Variants in CFAP251 observed in about 807,000 individuals in gnomAD.
CFAP251 encodes cilia- and flagella-associated protein 251.
CFAP251 carries 93 observed loss-of-function variants against 126.7 expected under a neutral mutation model. That is an observed-to-expected ratio of 0.73 (90% CI 0.62 to 0.87). CFAP251 has a LOEUF of 0.87. CFAP251 is among the 40% of genes least tolerant of loss of function. The pLI is 0.00. For synonymous variants in CFAP251, 503 were observed against 506.9 expected (o/e 0.99, Z 0.10); for missense variants, 1,287 against 1,389.2 (o/e 0.93, Z 1.17).
intron 6 of CFAP251, 72 bp from the exon 7 acceptor site, chr12:121,942,823 C>A: frequency 6.5e-7 from 1 of 1,548,626 alleles, no homozygotes; most frequent in Non-Finnish European, 8.9e-7. Flanking sequence ...TTGGGGTCAC[C>A]ACAAGAGGTG....
At chr12:121,925,022 TCTC>T (rs1187575796) in intron 3 of CFAP251, among the ~76,000 whole-genome samples, 1 of 151,124 alleles carries the variant, frequency 6.6e-6, no homozygotes, top group Non-Finnish European at 1.5e-5. Flanking sequence ...TCCTGTCTCC[TCTC>T]CTTTTTTCTC....
intron 9 of CFAP251, among the ~76,000 whole-genome samples, chr12:121,951,863 C>T (rs1217804498): frequency 6.6e-6 from 1 of 151,828 alleles, no homozygotes; most frequent in South Asian, 2.1e-4. Context: ...GGACTACAGG[C>T]GCCTGCCACC....
In CFAP251 at chr12:121,962,060, C is replaced by T. The variant is rs748560525; in HGVS notation, c.2390C>T (p.Thr797Ile). The T allele has an allele frequency of 2.5e-6, 4 of 1,614,058 alleles. No homozygotes were observed. The highest frequency in any genetic ancestry group is 3.4e-6 in the Non-Finnish European group (4 of 1,180,040). ...CACACCGACCAGGGCTGCTATCCCA[C>T]CTGCATGGTCTGGTACCCACCACTC... ...IHHTDQGCYP[T>I]CMVWYPPLTR... Residue 797 changes from threonine to isoleucine, a missense_variant, in exon 15 of 22, where the codon ACC (threonine) becomes ATC (isoleucine). Thr to Ile is a moderately conservative substitution (Grantham distance 89). Transcript: ENST00000288912.
intron 1 of CFAP251, among the ~76,000 whole-genome samples, chr12:121,920,049 T>C (rs1023878011): frequency 6.6e-6 from 1 of 151,794 alleles, no homozygotes; most frequent in African/African-American, 2.4e-5. Context: ...CTGGGTGTGG[T>C]GGCAGACGCC....
chr12:121,936,599 G>T (rs1379369244), intron 5 of CFAP251, among the ~76,000 whole-genome samples: 1 of 152,190 alleles, frequency 6.6e-6, no homozygotes, highest in South Asian at 2.1e-4. Flanking sequence ...CAGCCGTCAA[G>T]CAGGAGGCAG....
chr12:121,941,588 C>T (rs191310887), intron 5 of CFAP251, among the ~76,000 whole-genome samples: 26 of 152,246 alleles, frequency 1.7e-4, no homozygotes, highest in African/African-American at 5.1e-4. Context: ...CCCTCCTCAG[C>T]CTCCCAAAGT....
chr12:121,958,488 G>A lies in CFAP251; in HGVS notation c.1947G>A (p.Gly649=), dbSNP rs199772819. The change falls in exon 12 of 22, where the codon GGG becomes GGA. Residue 649 remains glycine (G), a synonymous_variant. Transcript: ENST00000288912. Reference sequence around the variant, plus strand: ...TTTTCAGCAGGGTTTTTGAGAAGGGGCTTGGAGTCCAGAGTCTGACCTACA... The same window carrying A: ...TTTTCAGCAGGGTTTTTGAGAAGGGACTTGGAGTCCAGAGTCTGACCTACA... ...QYLFSRVFEK[G]LGVQSLTYNP... 2.2e-4 allele frequency: 362 copies of A among 1,614,226 alleles called. No individual in the cohort carries two copies. The African/African-American group carries it at 3.0e-3, about 13-fold the overall frequency.
intron 19 of CFAP251, among the ~76,000 whole-genome samples, chr12:121,979,376 A>G (rs1178319448): frequency 6.6e-6 from 1 of 152,082 alleles, no homozygotes; most frequent in Non-Finnish European, 1.5e-5. Context: ...CAAACTGGGA[A>G]GCTGCATCGG....
Position 121,931,699 on chromosome 12 carries a change from G to A in CFAP251, c.748-47G>A, listed in dbSNP as rs751940811. On this transcript the variant is annotated intron_variant, in intron 3 of 21. Coordinates refer to ENST00000288912, the MANE Select transcript of CFAP251 (RefSeq NM_144668.6). ...GCGAGTTCCTGGAGCCCCAGCTCTGGGCTGAACACGCTGTAATGTCTTGCT... is the reference window on the plus strand; with the variant it reads ...GCGAGTTCCTGGAGCCCCAGCTCTGAGCTGAACACGCTGTAATGTCTTGCT... 2.7e-6 allele frequency: 4 copies of A among 1,459,042 alleles called. No homozygotes were observed. The South Asian group carries it at 4.8e-5, about 17-fold the overall frequency. The allele number at this position is 1,459,042 out of a possible 1,614,324, so 90.4% of individuals were successfully genotyped here.
At chr12:122,003,435 T>G (rs951121330) in intron 21 of CFAP251, among the ~76,000 whole-genome samples, 1 of 151,882 alleles carries the variant, frequency 6.6e-6, no homozygotes, top group African/African-American at 2.4e-5. Flanking sequence ...AAGCTGGGCG[T>G]GGTGGCGTGT....
rs1481160550 is a variant in CFAP251, at chr12:121,942,521, T to C, written c.999-13T>C. 1.9e-6 allele frequency: 3 copies of C among 1,602,438 alleles called. No individual in the cohort carries two copies. The Admixed American group carries it at 5.0e-5, about 27-fold the overall frequency. On this transcript the variant is annotated splice_polypyrimidine_tract_variant and intron_variant, in intron 5 of 21. Transcript: ENST00000288912. Reference sequence around the variant, plus strand: ...ACCTCAGCAAGTGTCGCCCCCCTTGTCCTGTTTTGCAGTATTCCTGTGCAC... The same window carrying C: ...ACCTCAGCAAGTGTCGCCCCCCTTGCCCTGTTTTGCAGTATTCCTGTGCAC...
intron 19 of CFAP251, among the ~76,000 whole-genome samples, chr12:121,985,981 C>T (rs887774862): frequency 1.3e-5 from 2 of 151,872 alleles, no homozygotes; most frequent in African/African-American, 4.8e-5. Flanking sequence ...CGTAGTGAGA[C>T]CTTGTCTCTA....
chr12:121,988,744 T>TC (rs1491021347), intron 19 of CFAP251, among the ~76,000 whole-genome samples: 2 of 150,812 alleles, frequency 1.3e-5, no homozygotes, highest in East Asian at 3.9e-4. Flanking sequence ...TTCTTTTTTT[T>TC]CTCTTTTTTT....
intron 19 of CFAP251, among the ~76,000 whole-genome samples, chr12:121,994,900 T>A (rs1482707167): frequency 6.8e-6 from 1 of 146,600 alleles, no homozygotes; most frequent in Non-Finnish European, 1.5e-5. Flanking sequence ...CCTCCACTAT[T>A]GTCCCATGAC....
intron 19 of CFAP251, among the ~76,000 whole-genome samples, chr12:121,980,673 G>A (rs1274373860): frequency 1.3e-5 from 2 of 152,122 alleles, no homozygotes; most frequent in African/African-American, 4.8e-5. Context: ...TTTTACATTA[G>A]AAATGTTGCC....
intron 19 of CFAP251, among the ~76,000 whole-genome samples, chr12:121,985,286 C>T (rs1014743127): frequency 6.6e-6 from 1 of 152,110 alleles, no homozygotes; most frequent in Non-Finnish European, 1.5e-5. Flanking sequence ...GTAATCCCAG[C>T]ACTTTGGGAG....
At position 121,968,175 on chromosome 12, in the gene CFAP251, C is replaced by A. The variant is rs747150577; in HGVS notation, c.2771+6C>A. The A allele has an allele frequency of 4.4e-6, 7 of 1,592,962 alleles. No individual in the cohort carries two copies. The highest frequency in any genetic ancestry group is 4.0e-5 in the African/African-American group (3 of 74,486). On this transcript the variant is annotated splice_donor_region_variant and intron_variant, in intron 17 of 21. Coordinates refer to ENST00000288912, the MANE Select transcript of CFAP251 (RefSeq NM_144668.6). ...CAGTGGAAAATCACCTTAAGGTACA[C>A]GATGGGGCGAGAAGGAAGGTATCAA...
chr12:121,984,887 C>T (rs1008860633), intron 19 of CFAP251, among the ~76,000 whole-genome samples: 1 of 152,122 alleles, frequency 6.6e-6, no homozygotes, highest in Non-Finnish European at 1.5e-5. Context: ...TTGGTGCAAC[C>T]ACCTAGTTCT....
chr12:121,926,788 AC>A (rs1592962053), intron 3 of CFAP251, among the ~76,000 whole-genome samples: 2 of 152,128 alleles, frequency 1.3e-5, no homozygotes, highest in East Asian at 3.9e-4. Context: ...CACTAAAAAT[AC>A]AAAATCAGCC....
Sources: allele counts gnomAD v4.1 joint callset (sites outside exome capture counted in the v4.1 genomes callset), GRCh38; gene constraint gnomAD v4.1.1; transcripts MANE v1.5; gene names NCBI Gene and HGNC (gene_info 2026-07-23, HGNC 2026-07-21).